UBE2D3: variants seen among roughly 807,000 people sequenced by gnomAD.
The protein encoded by UBE2D3 is ubiquitin conjugating enzyme E2 D3, also known as ubiquitin-conjugating enzyme E2 D3.
In UBE2D3, 2 loss-of-function variants were observed where a neutral mutation model predicts 22.8. The observed-to-expected ratio is 0.09, with a 90% CI of 0.04 to 0.28. The LOEUF (loss-of-function observed/expected upper bound fraction) is 0.28, where lower values mean the gene tolerates loss of function less well. Ranked by LOEUF, UBE2D3 falls within the 10% of genes least tolerant of loss-of-function variation. The pLI is 1.00. For synonymous variants in UBE2D3, 56 were observed against 60.4 expected (o/e 0.93, Z 0.34); for missense variants, 27 against 182.5 (o/e 0.15, Z 4.91).
At chr4:102,813,498 C>T (rs567212413) in intron 2 of UBE2D3, among the ~76,000 whole-genome samples, 3 of 152,232 alleles carry the variant, frequency 2.0e-5, no homozygotes, top group African/African-American at 7.2e-5. Flanking sequence ...GGTCAACTTA[C>T]AGGTGAAGCT....
At chr4:102,850,712 T>G (rs1732298036) in intron 1 of UBE2D3, among the ~76,000 whole-genome samples, 1 of 152,124 alleles carries the variant, frequency 6.6e-6, no homozygotes, top group Admixed American at 6.6e-5. Flanking sequence ...ATATTAAATA[T>G]AAATATATAG....
At chr4:102,811,678 C>A (rs376092218) in intron 2 of UBE2D3, 23 of 339,898 alleles carry the variant, frequency 6.8e-5, no homozygotes, top group African/African-American at 1.1e-4. Flanking sequence ...TCAAAAACAA[C>A]AAAAAAAAAA....
upstream of UBE2D3, chr4:102,828,151 G>A (rs1034950308): frequency 8.1e-6 from 8 of 985,366 alleles, no homozygotes; most frequent in African/African-American, 1.2e-4. Context: ...TGCTTATGCC[G>A]GTGGTTGGTA....
At chr4:102,866,965 G>T (rs946446270) in intron 1 of UBE2D3, among the ~76,000 whole-genome samples, 1 of 152,010 alleles carries the variant, frequency 6.6e-6, no homozygotes, top group Non-Finnish European at 1.5e-5. Context: ...TCATCTTCAG[G>T]ATAAAAAAGC....
intron 2 of UBE2D3, among the ~76,000 whole-genome samples, chr4:102,818,023 C>G (rs149177391): frequency 2.6e-5 from 4 of 152,260 alleles, no homozygotes; most frequent in East Asian, 1.9e-4. Context: ...TGCCAAGAAC[C>G]AGAAGGAACA....
chr4:102,843,827 C>G (rs1296855070), intron 1 of UBE2D3: 2 of 152,080 alleles, frequency 1.3e-5, no homozygotes, highest in African/African-American at 4.8e-5. Flanking sequence ...TATGGAATAA[C>G]AAAAGACCAT....
chr4:102,815,288 C>T (rs1230947759), intron 2 of UBE2D3, among the ~76,000 whole-genome samples: 1 of 152,086 alleles, frequency 6.6e-6, no homozygotes, highest in Non-Finnish European at 1.5e-5. Flanking sequence ...CAGGTGATCA[C>T]CTTGGCCTCC....
Position 102,820,341 on chromosome 4 carries a change from GC to G in UBE2D3, c.24+6143del, listed in dbSNP as rs140756874. Among the ~76,000 whole-genome samples, 423 of 152,262 alleles carry G rather than the reference GC, an allele frequency of 2.8e-3. 3 individuals carry two copies. The highest frequency in any genetic ancestry group is 9.9e-3 in the African/African-American group (411 of 41,550). ...GGTTATTTCAAGAGAAGGATGCTTG[GC>G]AAAAAGATATGAACAATTTCACAAA... On this transcript the variant is annotated intron_variant, in intron 2 of 7. Coordinates refer to ENST00000453744, the MANE Select transcript of UBE2D3 (RefSeq NM_181891.3).
intron 1 of UBE2D3, among the ~76,000 whole-genome samples, chr4:102,856,955 T>A (rs1053690973): frequency 6.6e-6 from 1 of 152,222 alleles, no homozygotes; most frequent in Non-Finnish European, 1.5e-5. Flanking sequence ...AAAATGATTA[T>A]GTATGCTACT....
chr4:102,826,450 T>C (rs753037365), intron 2 of UBE2D3, 35 bp downstream of exon 2: 2 of 1,613,300 alleles, frequency 1.2e-6, no homozygotes, highest in Admixed American at 1.7e-5. Flanking sequence ...CTTCCTTTTC[T>C]CCTACCACCC....
chr4:102,818,628 A>C (rs1261697844), intron 2 of UBE2D3, among the ~76,000 whole-genome samples: 2 of 152,204 alleles, frequency 1.3e-5, no homozygotes, highest in Non-Finnish European at 2.9e-5. Context: ...ATGGTAGAAA[A>C]TAGGGCAGGA....
intron 1 of UBE2D3, among the ~76,000 whole-genome samples, chr4:102,833,296 CTT>C (rs1421487656): frequency 1.3e-5 from 2 of 152,212 alleles, no homozygotes; most frequent in South Asian, 2.1e-4. Flanking sequence ...CTTTGGGAGA[CTT>C]TTGTTCATTC....
intron 2 of UBE2D3, chr4:102,812,384 T>A (rs146849668): frequency 6.6e-6 from 1 of 152,250 alleles, no homozygotes; most frequent in Non-Finnish European, 1.5e-5. Context: ...ACTATGGCAC[T>A]GACTTGGTTG....
At chr4:102,821,885 G>C (rs770173915) in intron 2 of UBE2D3, among the ~76,000 whole-genome samples, 2 of 151,950 alleles carry the variant, frequency 1.3e-5, no homozygotes, top group African/African-American at 4.8e-5. Context: ...TCTTCTATAC[G>C]CTAACAGATA....
chr4:102,813,101 G>A (rs1410427975), intron 2 of UBE2D3: 2 of 152,184 alleles, frequency 1.3e-5, no homozygotes, highest in African/African-American at 2.4e-5. Context: ...AGTTTTAACT[G>A]CTCTAATAGT....
chr4:102,833,014 T>A (rs34667257), intron 1 of UBE2D3, among the ~76,000 whole-genome samples: 84,659 of 147,804 alleles, frequency 0.57, 25,626 homozygotes, highest in African/African-American at 0.78. Flanking sequence ...AAAAAAAAAA[T>A]GTTTATAGAA....
chr4:102,803,800 A>G (rs1726581569), intron 4 of UBE2D3, among the ~76,000 whole-genome samples: 1 of 152,136 alleles, frequency 6.6e-6, no homozygotes, highest in Admixed American at 6.5e-5. Flanking sequence ...ACGGAGTCTC[A>G]CTCTGTCGCT....
chr4:102,795,795 G>C lies in UBE2D3; in HGVS notation c.*1620C>G, dbSNP rs983245303. 6.6e-6 allele frequency: 1 copy of C among 152,128 alleles called. No homozygotes were observed. Among genetic ancestry groups the C allele is most frequent in the African/African-American group, 2.4e-5 (1 of 41,446 alleles). 9.4% of individuals were successfully genotyped at this position (152,128 alleles called of 1,614,324 possible). A position where few individuals can be genotyped will look rare whatever the true frequency, so the allele number is the denominator to read the frequency against. On this transcript the variant is annotated 3_prime_UTR_variant, in exon 8 of 8. Transcript: ENST00000453744. Reference sequence around the variant, plus strand: ...TAAGTGTAAGCAGTGCAAAAATGTGGAAGTGGAGGAGTCACAGATGTGCTA... The same window carrying C: ...TAAGTGTAAGCAGTGCAAAAATGTGCAAGTGGAGGAGTCACAGATGTGCTA...
Position 102,795,043 on chromosome 4 carries a change from T to C in UBE2D3, c.*2372A>G, listed in dbSNP as rs1405085065. Reference sequence around the variant, plus strand: ...TTAAGATTTCATTGTACATATCTCATGTCCAGTGTCCATACATTCAAAAAT... The same window carrying C: ...TTAAGATTTCATTGTACATATCTCACGTCCAGTGTCCATACATTCAAAAAT... On this transcript the variant is annotated 3_prime_UTR_variant, in exon 8 of 8. Coordinates refer to ENST00000453744, the MANE Select transcript of UBE2D3 (RefSeq NM_181891.3). The C allele has an allele frequency of 1.3e-5, 2 of 152,100 alleles. No individual in the cohort carries two copies. Among genetic ancestry groups the C allele is most frequent in the African/African-American group, 2.4e-5 (1 of 41,450 alleles). The allele number at this position is 152,100 out of a possible 1,614,324, so 9.4% of individuals were successfully genotyped here. A position where few individuals can be genotyped will look rare whatever the true frequency, so the allele number is the denominator to read the frequency against.
Sources: gnomAD v4.1 joint callset for allele counts (sites outside exome capture counted in the v4.1 genomes callset) on GRCh38, gnomAD v4.1.1 for gene constraint, MANE v1.5 for transcripts, NCBI Gene and HGNC (gene_info 2026-07-23, HGNC 2026-07-21) for gene names.